Variants in NRXN3 observed in about 807,000 individuals in gnomAD.
The protein encoded by NRXN3 is neurexin III.
In NRXN3, 32 loss-of-function variants were observed where a neutral mutation model predicts 137.6. That is an observed-to-expected ratio of 0.23 (90% CI 0.18 to 0.31). The LOEUF (loss-of-function observed/expected upper bound fraction) is 0.31. Among genes scored for constraint, NRXN3 ranks in the 10% least tolerant of loss-of-function variants. The probability of loss-of-function intolerance (pLI) is 1.00; values close to 1 mark genes in which losing one functional copy is unlikely to be tolerated. For synonymous variants in NRXN3, 798 were observed against 784.5 expected, an observed-to-expected ratio of 1.02 and a Z score of -0.29; for missense variants, 1,574 against 2,062.5, an observed-to-expected ratio of 0.76 and a Z score of 4.59.
chr14:79,291,271 C>G (rs2083148325), intron 15 of NRXN3, among the ~76,000 whole-genome samples: 1 of 152,116 alleles, frequency 6.6e-6, no homozygotes, highest in Admixed American at 6.6e-5. Flanking sequence ...CAATTGATCA[C>G]TTTTTATTAT....
At chr14:79,009,421 G>A (rs2099566567) in intron 15 of NRXN3, among the ~76,000 whole-genome samples, 1 of 152,108 alleles carries the variant, frequency 6.6e-6, no homozygotes, top group South Asian at 2.1e-4. Context: ...TGGTACTGAC[G>A]GTTGAGAGTC....
At chr14:78,456,533 T>C (rs1415849706) in intron 4 of NRXN3, among the ~76,000 whole-genome samples, 1 of 152,250 alleles carries the variant, frequency 6.6e-6, no homozygotes, top group Non-Finnish European at 1.5e-5. Context: ...TAGCGTACTA[T>C]GCTGTCTTCA....
intron 20 of NRXN3, among the ~76,000 whole-genome samples, chr14:79,836,094 T>C (rs1019974264): frequency 1.3e-5 from 2 of 152,018 alleles, no homozygotes; most frequent in Non-Finnish European, 2.9e-5. Context: ...GTAAGATTTC[T>C]TTGTAATATT....
At chr14:78,460,561 G>A (rs1311339381) in intron 4 of NRXN3, among the ~76,000 whole-genome samples, 1 of 152,190 alleles carries the variant, frequency 6.6e-6, no homozygotes, top group African/African-American at 2.4e-5. Flanking sequence ...GGTGGAGAGT[G>A]AGGAGTTGGC....
At chr14:78,247,305 C>G (rs1401965380) in intron 2 of NRXN3, among the ~76,000 whole-genome samples, 1 of 152,294 alleles carries the variant, frequency 6.6e-6, no homozygotes, top group Admixed American at 6.5e-5. Context: ...CCAGAAGACA[C>G]AGGAGGTAGT....
At position 79,773,373 on chromosome 14, in the gene NRXN3, C is replaced by G. The variant is rs1408310503; in HGVS notation, c.4015-31739C>G. On this transcript the variant is annotated intron_variant, in intron 19 of 20. Transcript: ENST00000335750. ...ATTCACAACAGCAAAGACTTGGAAC[C>G]AACCCAAATGTCCACCAATGATCGA... 3.3e-5 allele frequency among the ~76,000 whole-genome samples: 5 copies of G among 152,166 alleles called. No individual in the cohort carries two copies. In the East Asian group the frequency reaches 9.7e-4, roughly 29 times the overall value.
chr14:78,373,301 C>T (rs1487337468), intron 4 of NRXN3, among the ~76,000 whole-genome samples: 1 of 152,092 alleles, frequency 6.6e-6, no homozygotes, highest in African/African-American at 2.4e-5. Context: ...AGTGTGGCAA[C>T]CTCAGGCAGT....
chr14:79,633,643 T>C (rs2153943017), intron 16 of NRXN3, among the ~76,000 whole-genome samples: 1 of 152,348 alleles, frequency 6.6e-6, no homozygotes, highest in South Asian at 2.1e-4. Context: ...ATTCAAGAAC[T>C]TAAGAGGATT....
intron 15 of NRXN3, among the ~76,000 whole-genome samples, chr14:79,108,827 G>A (rs1018646350): frequency 6.6e-6 from 1 of 152,138 alleles, no homozygotes; most frequent in Non-Finnish European, 1.5e-5. Context: ...AGAGGGAGGA[G>A]AAATGAGAGA....
intron 10 of NRXN3, among the ~76,000 whole-genome samples, chr14:78,897,757 G>A (rs2099181962): frequency 6.6e-6 from 1 of 151,904 alleles, no homozygotes; most frequent in Non-Finnish European, 1.5e-5. Context: ...TTATTCACTA[G>A]TTTCAGATTG....
intron 15 of NRXN3, among the ~76,000 whole-genome samples, chr14:79,108,470 C>T (rs894026112): frequency 6.6e-6 from 1 of 152,150 alleles, no homozygotes; most frequent in African/African-American, 2.4e-5. Flanking sequence ...GAGAACCATA[C>T]ATTAGCTGGA....
At chr14:78,807,847 C>G (rs1293248806) in intron 9 of NRXN3, among the ~76,000 whole-genome samples, 4 of 151,582 alleles carry the variant, frequency 2.6e-5, no homozygotes, top group African/African-American at 9.7e-5. Context: ...AGGCAACACA[C>G]AGATATGAAC....
intron 15 of NRXN3, among the ~76,000 whole-genome samples, chr14:79,375,006 C>T (rs893350394): frequency 2.0e-5 from 3 of 152,098 alleles, no homozygotes; most frequent in Admixed American, 1.3e-4. Flanking sequence ...TAAGTACCTA[C>T]GATATGCCAG....
chr14:78,351,162 G>A (rs1435854969), intron 4 of NRXN3, among the ~76,000 whole-genome samples: 2 of 152,060 alleles, frequency 1.3e-5, no homozygotes, highest in African/African-American at 4.8e-5. Context: ...TCTGCAAATT[G>A]TTCTACATAG....
chr14:78,464,642 AT>A (rs970848606), intron 4 of NRXN3, among the ~76,000 whole-genome samples: 1 of 152,246 alleles, frequency 6.6e-6, no homozygotes, highest in African/African-American at 2.4e-5. Flanking sequence ...ATTTGTATAC[AT>A]TGTAAAAATA....
chr14:79,289,471 T>A (rs1219836460), intron 15 of NRXN3, among the ~76,000 whole-genome samples: 2 of 151,988 alleles, frequency 1.3e-5, no homozygotes, highest in Non-Finnish European at 2.9e-5. Flanking sequence ...AATAAAAAAA[T>A]TAGCTGGGCG....
intron 10 of NRXN3, among the ~76,000 whole-genome samples, chr14:78,873,305 AG>A (rs1265776630): frequency 6.6e-6 from 1 of 152,224 alleles, no homozygotes; most frequent in Non-Finnish European, 1.5e-5. Context: ...CGAACTATAC[AG>A]CCTTTATTTT....
At chr14:79,419,754 T>A (rs1341157327) in intron 15 of NRXN3, among the ~76,000 whole-genome samples, 1 of 152,110 alleles carries the variant, frequency 6.6e-6, no homozygotes, top group East Asian at 1.9e-4. Context: ...ATTGACAAAA[T>A]GAGGATGGAA....
intron 20 of NRXN3, among the ~76,000 whole-genome samples, chr14:79,841,371 T>A (rs578249334): frequency 6.6e-6 from 1 of 152,308 alleles, no homozygotes; most frequent in Non-Finnish European, 1.5e-5. Context: ...AATGTCCAGC[T>A]GCTACCACCC....
Sources: allele counts gnomAD v4.1 joint callset (sites outside exome capture counted in the v4.1 genomes callset), GRCh38; gene constraint gnomAD v4.1.1; transcripts MANE v1.5; gene names NCBI Gene and HGNC (gene_info 2026-07-23, HGNC 2026-07-21).